The following BCL2 variants were observed in gnomAD, a reference collection of about 807,000 sequenced individuals.
BCL2 encodes the protein apoptosis regulator Bcl-2.
A neutral mutation model predicts 14.2 loss-of-function variants in BCL2; 1 was observed. The ratio of observed to expected loss-of-function variants is 0.07; its 90% confidence interval spans 0.02 to 0.33. The LOEUF is 0.33. BCL2 is among the 10% of genes least tolerant of loss of function. The pLI is 0.99. For missense variants in BCL2, 247 were observed against 305.9 expected, an observed-to-expected ratio of 0.81 and a Z score of 1.44; for synonymous variants, 151 against 137.2, an observed-to-expected ratio of 1.10 and a Z score of -0.70.
At chr18:63,162,944 TC>T (rs1364103940) in intron 2 of BCL2, among the ~76,000 whole-genome samples, 6 of 152,128 alleles carry the variant, frequency 3.9e-5, no homozygotes, top group African/African-American at 1.4e-4. Flanking sequence ...AGCCTTGAAT[TC>T]CCAGGATCAA....
At chr18:63,233,510 A>G (rs530067542) in intron 2 of BCL2, among the ~76,000 whole-genome samples, 2 of 152,172 alleles carry the variant, frequency 1.3e-5, no homozygotes, top group African/African-American at 4.8e-5. Context: ...ACTCAAGCAC[A>G]TTACATTTAT....
rs563031647 is a variant in BCL2, at chr18:63,279,559, T to C, written c.585+38523A>G. Among the ~76,000 whole-genome samples, 7 of 152,358 alleles carry C rather than the reference T, an allele frequency of 4.6e-5. No homozygotes were observed. The East Asian group carries it at 1.3e-3, about 29-fold the overall frequency. The stretch of plus-strand genomic sequence containing the variant: ...GTATACAAAACAACAGGAACTCTCA[T>C]ACATGGCATTACATCTACAACAATT... On this transcript the variant is annotated intron_variant, in intron 2 of 2. Transcript: ENST00000333681.
intron 2 of BCL2, among the ~76,000 whole-genome samples, chr18:63,215,159 C>T (rs928904564): frequency 2.0e-5 from 3 of 152,158 alleles, no homozygotes; most frequent in African/African-American, 7.2e-5. Context: ...TTCAAATGGA[C>T]AAGGCATCCC....
chr18:63,269,334 C>T (rs1162978323), intron 2 of BCL2, among the ~76,000 whole-genome samples: 1 of 151,908 alleles, frequency 6.6e-6, no homozygotes, highest in East Asian at 1.9e-4. Context: ...AAGAAATGGG[C>T]AATTTATTTT....
Position 63,127,887 on chromosome 18 carries a change from C to T in BCL2, c.*738G>A, listed in dbSNP as rs1053070557. The T allele has an allele frequency of 3.6e-5, 8 of 224,714 alleles. No homozygotes were observed. The highest frequency in any genetic ancestry group is 1.1e-4 in the Admixed American group (2 of 17,438). The allele number at this position is 224,714 out of a possible 1,614,324, so 13.9% of individuals were successfully genotyped here. ...GTATAAATTGCTAAAATGCTTTTCT[C>T]GGCACAATTGGTAGCTTAAAAAAAT... On this transcript the variant is annotated 3_prime_UTR_variant, in exon 3 of 3. Transcript: ENST00000333681.
At chr18:63,275,086 AT>A (rs1912116412) in intron 2 of BCL2, among the ~76,000 whole-genome samples, 1 of 151,960 alleles carries the variant, frequency 6.6e-6, no homozygotes, top group African/African-American at 2.4e-5. Flanking sequence ...ATCCTTTTAT[AT>A]AAAAAAAAAT....
intron 2 of BCL2, among the ~76,000 whole-genome samples, chr18:63,265,550 G>C (rs531414082): frequency 6.6e-6 from 1 of 152,092 alleles, no homozygotes; most frequent in Admixed American, 6.6e-5. Context: ...CATAGAAGAG[G>C]ATTTTATAAT....
At chr18:63,212,162 C>A (rs1910031677) in intron 2 of BCL2, among the ~76,000 whole-genome samples, 2 of 151,258 alleles carry the variant, frequency 1.3e-5, no homozygotes, top group South Asian at 4.2e-4. Context: ...CCCGTCTCTA[C>A]TAAAAATACA....
chr18:63,243,592 G>A (rs1911074230), intron 2 of BCL2, among the ~76,000 whole-genome samples: 1 of 152,172 alleles, frequency 6.6e-6, no homozygotes, highest in Non-Finnish European at 1.5e-5. Flanking sequence ...GCAGGGAGGA[G>A]GGGTAATGTC....
At chr18:63,280,691 G>A (rs906831386) in intron 2 of BCL2, among the ~76,000 whole-genome samples, 3 of 152,194 alleles carry the variant, frequency 2.0e-5, no homozygotes, top group African/African-American at 4.8e-5. Flanking sequence ...AAGAAATATC[G>A]GTCAGGAATT....
chr18:63,259,332 A>G (rs892979599), intron 2 of BCL2, among the ~76,000 whole-genome samples: 1 of 152,210 alleles, frequency 6.6e-6, no homozygotes, highest in Admixed American at 6.5e-5. Flanking sequence ...AGAAAAGCAG[A>G]ATGCAAAAGG....
At chr18:63,285,915 G>C (rs1912458800) in intron 2 of BCL2, among the ~76,000 whole-genome samples, 1 of 152,228 alleles carries the variant, frequency 6.6e-6, no homozygotes, top group East Asian at 1.9e-4. Flanking sequence ...GGAGGGGCAG[G>C]TATAGCAACG....
intron 2 of BCL2, among the ~76,000 whole-genome samples, chr18:63,310,953 A>C (rs1913299220): frequency 6.6e-6 from 1 of 152,134 alleles, no homozygotes; most frequent in South Asian, 2.1e-4. Flanking sequence ...GGAATCCATA[A>C]AGGATATGGC....
rs536766125 is a variant in BCL2 at position 63,232,989 on chromosome 18, C to G, written c.585+85093G>C. Among the ~76,000 whole-genome samples, 4 of 152,292 alleles carry G rather than the reference C, an allele frequency of 2.6e-5. No individual in the cohort carries two copies. In the East Asian group the frequency reaches 7.7e-4, roughly 29 times the overall value. Reference sequence around the variant, plus strand: ...CTTATGTAACATTTATCTTTCAGTTCTGAAGGATGGAATCCCAGATCAAGG... The same window carrying G: ...CTTATGTAACATTTATCTTTCAGTTGTGAAGGATGGAATCCCAGATCAAGG... On this transcript the variant is annotated intron_variant, in intron 2 of 2. Coordinates refer to ENST00000333681, the MANE Select transcript of BCL2 (RefSeq NM_000633.3).
intron 2 of BCL2, among the ~76,000 whole-genome samples, chr18:63,160,380 C>T (rs775502286): frequency 3.3e-5 from 5 of 152,146 alleles, no homozygotes; most frequent in African/African-American, 4.8e-5. Flanking sequence ...CAACTAAGAC[C>T]GAGTGGGTTT....
At chr18:63,161,212 A>G (rs754528724) in intron 2 of BCL2, among the ~76,000 whole-genome samples, 12 of 152,074 alleles carry the variant, frequency 7.9e-5, no homozygotes, top group Non-Finnish European at 1.2e-4. Flanking sequence ...TTTGAGTCAC[A>G]TGTATTGTTC....
intron 2 of BCL2, among the ~76,000 whole-genome samples, chr18:63,283,686 C>T (rs17070959): frequency 0.046 from 7,057 of 152,258 alleles, 234 homozygotes; most frequent in East Asian, 0.096. Flanking sequence ...TGTTATCTCA[C>T]CAAATAACTT....
Position 63,309,894 on chromosome 18 carries a change from G to A in BCL2, c.585+8188C>T, listed in dbSNP as rs959705715. 5.3e-5 allele frequency among the ~76,000 whole-genome samples: 8 copies of A among 151,854 alleles called. No homozygotes were observed. In the East Asian group the frequency reaches 7.7e-4, roughly 15 times the overall value. On this transcript the variant is annotated intron_variant, in intron 2 of 2. Transcript: ENST00000333681. ...TATTTATTTTTTGAGACAGAGTCTC[G>A]CTCTGTCCCCTAGGCTGGAGTGCAG...
At chr18:63,258,527 T>C (rs1038282689) in intron 2 of BCL2, among the ~76,000 whole-genome samples, 2 of 152,240 alleles carry the variant, frequency 1.3e-5, no homozygotes, top group Non-Finnish European at 2.9e-5. Flanking sequence ...GATCATCTTT[T>C]AAAAAGTATA....
Sources: allele counts gnomAD v4.1 joint callset (sites outside exome capture counted in the v4.1 genomes callset), GRCh38; gene constraint gnomAD v4.1.1; transcripts MANE v1.5; gene names NCBI Gene and HGNC (gene_info 2026-07-23, HGNC 2026-07-21).